Variants in ZNF765 observed in about 807,000 individuals in gnomAD.
ZNF765 encodes the protein zinc finger protein 765.
Under a neutral mutation model 44.7 loss-of-function variants are expected in ZNF765, and 37 were observed. The observed-to-expected ratio is 0.83, with a 90% CI of 0.64 to 1.09. The LOEUF (loss-of-function observed/expected upper bound fraction) is 1.09, where lower values mean the gene tolerates loss of function less well. ZNF765 is among the 50% of genes least tolerant of loss of function. The pLI is 0.00. For synonymous variants in ZNF765, 201 were observed against 213.7 expected, an observed-to-expected ratio of 0.94 and a Z score of 0.52; for missense variants, 594 against 626.1, an observed-to-expected ratio of 0.95 and a Z score of 0.55.
intron 3 of ZNF765, among the ~76,000 whole-genome samples, chr19:53,417,627 C>T (rs1007038307): frequency 1.3e-5 from 2 of 152,110 alleles, no homozygotes; most frequent in Non-Finnish European, 2.9e-5. Context: ...ATTTATATTC[C>T]TTTAGGCATA....
In ZNF765 at chr19:53,409,613, A is replaced by G; in HGVS notation, c.*486A>G. On this transcript the variant is annotated 3_prime_UTR_variant, in exon 4 of 4. Coordinates refer to ENST00000396408, the MANE Select transcript of ZNF765 (RefSeq NM_001040185.3). ...GGAGAATTCATACTGGAGAGAAACC[A>G]TACAAGTGTAATGAGTGTGGCAAGA... 1.3e-5 allele frequency: 18 copies of G among 1,434,894 alleles called. No homozygotes were observed. Among genetic ancestry groups the G allele is most frequent in the Non-Finnish European group, 1.7e-5 (17 of 1,026,238 alleles). 88.9% of individuals were successfully genotyped at this position (1,434,894 alleles called of 1,614,324 possible).
chr19:53,414,480 CACACA>C (rs2085860920), downstream of ZNF765, among the ~76,000 whole-genome samples: 3 of 8,668 alleles, frequency 3.5e-4, no homozygotes, highest in East Asian at 3.4e-3. Flanking sequence ...CACACACACA[CACACA>C]CACACCCCCC....
chr19:53,408,115 A>G lies in ZNF765; in HGVS notation c.560A>G (p.His187Arg), dbSNP rs765871893. 1.9e-6 allele frequency: 3 copies of G among 1,614,008 alleles called. No individual in the cohort carries two copies. The highest frequency in any genetic ancestry group is 1.7e-5 in the Admixed American group (1 of 60,000). ...AQRISCRPET[H>R]ISNDYGNNFL... is the part of the protein sequence containing the mutation. The stretch of plus-strand genomic sequence containing the variant: ...AGAATTTCTTGTAGGCCTGAAACCC[A>G]TATTTCTAATGACTATGGGAATAAT... Residue 187 changes from histidine (H) to arginine (R), a missense_variant, in exon 4 of 4, where the codon CAT becomes CGT. By Grantham distance (29) the His-to-Arg change is conservative (BLOSUM62 0). Coordinates refer to ENST00000396408, the MANE Select transcript of ZNF765 (RefSeq NM_001040185.3).
At chr19:53,401,643 T>G (rs1266130351) in intron 2 of ZNF765, among the ~76,000 whole-genome samples, 4 of 151,960 alleles carry the variant, frequency 2.6e-5, no homozygotes, top group Non-Finnish European at 5.9e-5. Context: ...TTTGAGAGGC[T>G]GAGTCAGGCA....
intron 3 of ZNF765, 57 bp from the exon 4 acceptor site, chr19:53,407,641 C>T: frequency 7.7e-7 from 1 of 1,301,956 alleles, no homozygotes; most frequent in Admixed American, 2.6e-5. Context: ...TTACACATTT[C>T]AGCATTATTT....
intron 2 of ZNF765, among the ~76,000 whole-genome samples, chr19:53,400,181 T>C (rs1267920149): frequency 6.6e-6 from 1 of 152,208 alleles, no homozygotes; most frequent in African/African-American, 2.4e-5. Flanking sequence ...CCAGTGTCTG[T>C]TGTTTTCTTT....
rs571671577 is a variant in ZNF765, at chr19:53,410,510, T to A, written c.*1383T>A. Reference sequence around the variant, plus strand: ...TCACATTGGAGAGAAAGCTTACAAGTATAATGAATGTGACAGGTCTTTAGT... The same window carrying A: ...TCACATTGGAGAGAAAGCTTACAAGAATAATGAATGTGACAGGTCTTTAGT... On this transcript the variant is annotated 3_prime_UTR_variant, in exon 4 of 4. Coordinates refer to ENST00000396408, the MANE Select transcript of ZNF765 (RefSeq NM_001040185.3). 1 of 399,328 alleles carries A rather than the reference T, an allele frequency of 2.5e-6. No homozygotes were observed. Among genetic ancestry groups the A allele is most frequent in the African/African-American group, 2.1e-5 (1 of 47,872 alleles). The allele number at this position is 399,328 out of a possible 1,614,324, so 24.7% of individuals were successfully genotyped here.
chr19:53,399,796 G>A (rs1181102279), intron 2 of ZNF765, among the ~76,000 whole-genome samples: 3 of 151,932 alleles, frequency 2.0e-5, no homozygotes, highest in Admixed American at 6.6e-5. Flanking sequence ...GTTAAGTCCC[G>A]TACCCAATAG....
At position 53,407,925 on chromosome 19, in the gene ZNF765, G is replaced by C. The variant is rs1289080417; in HGVS notation, c.370G>C (p.Glu124Gln). Residue 124 changes from glutamate to glutamine, a missense_variant, in exon 4 of 4, where the codon GAG (glutamate) becomes CAG (glutamine). Transcript: ENST00000396408. ...AATCAAAAAGTTGACAGGTAGTACA[G>C]AGCGATATGATCAAAATTATGCTGG... ...TKIKKLTGST[E>Q]RYDQNYAGNK... The C allele has an allele frequency of 6.2e-7, 1 of 1,614,170 alleles. No homozygotes were observed. The highest frequency in any genetic ancestry group is 8.5e-7 in the Non-Finnish European group (1 of 1,180,034).
At chr19:53,402,945 G>A (rs1447796171) in intron 3 of ZNF765, among the ~76,000 whole-genome samples, 1 of 152,086 alleles carries the variant, frequency 6.6e-6, no homozygotes, top group Admixed American at 6.5e-5. Context: ...GGGAGGCTGA[G>A]GTGGGTGGAT....
At chr19:53,417,285 C>T (rs2085880816) in intron 3 of ZNF765, among the ~76,000 whole-genome samples, 1 of 152,166 alleles carries the variant, frequency 6.6e-6, no homozygotes. Context: ...TTCTCCCACC[C>T]TATGCCCTCC....
chr19:53,413,540 A>T (rs143686963), downstream of ZNF765, among the ~76,000 whole-genome samples: 2,157 of 144,698 alleles, frequency 0.015, 9 homozygotes, highest in African/African-American at 0.019. Flanking sequence ...CTTTTCATTT[A>T]AAAAAAAAGT....
chr19:53,395,701 A>G (rs2085661015), intron 1 of ZNF765, among the ~76,000 whole-genome samples: 1 of 152,082 alleles, frequency 6.6e-6, no homozygotes, highest in Non-Finnish European at 1.5e-5. Flanking sequence ...CTCCACAGTC[A>G]CTGCTTTCCC....
In ZNF765 at chr19:53,407,970, C is replaced by T. The variant is rs2085792010; in HGVS notation, c.415C>T (p.Gln139Ter). Residue 139 changes from glutamine to a stop codon, truncating the protein, a stop_gained, in exon 4 of 4, where the codon CAG becomes TAG. Coordinates refer to ENST00000396408, the MANE Select transcript of ZNF765 (RefSeq NM_001040185.3). LOFTEE classifies it high-confidence loss of function. Reference sequence around the variant, plus strand: ...TGCTGGAAACAAGCCTGTTAAATATCAGCTTGGATTCAGCTTTCATTCGCA... The same window carrying T: ...TGCTGGAAACAAGCCTGTTAAATATTAGCTTGGATTCAGCTTTCATTCGCA... Reference protein sequence around the residue: ...NYAGNKPVKYQLGFSFHSHLP... With the variant: ...NYAGNKPVKY 1.2e-6 allele frequency: 2 copies of T among 1,614,172 alleles called. No homozygotes were observed. The highest frequency in any genetic ancestry group is 1.7e-6 in the Non-Finnish European group (2 of 1,180,040).
At chr19:53,412,615 C>A (rs1213369769), downstream of ZNF765, among the ~76,000 whole-genome samples, 1 of 152,108 alleles carries the variant, frequency 6.6e-6, no homozygotes, top group Non-Finnish European at 1.5e-5. Context: ...AAAATAAATT[C>A]TGCTAAAATT....
Position 53,406,027 on chromosome 19 carries a change from ATTTTTT to A in ZNF765, c.143-1657_143-1652del, listed in dbSNP as rs201892505. Among the ~76,000 whole-genome samples the A allele has an allele frequency of 1.3e-3, 164 of 125,266 alleles. 2 individuals carry two copies. Among genetic ancestry groups the A allele is most frequent in the South Asian group, 3.1e-3 (12 of 3,848 alleles). 82.2% of individuals were successfully genotyped at this position (125,266 alleles called of 152,430 possible). ...TTGCACCCTCTGACACCGTTAGTCA[ATTTTTT>A]TTTTTTTTTTTTTGGAGATGAAATC... On this transcript the variant is annotated intron_variant, in intron 3 of 3. Coordinates refer to ENST00000396408, the MANE Select transcript of ZNF765 (RefSeq NM_001040185.3).
intron 2 of ZNF765, among the ~76,000 whole-genome samples, chr19:53,400,170 G>T (rs1475206286): frequency 6.6e-6 from 1 of 151,996 alleles, no homozygotes; most frequent in Non-Finnish European, 1.5e-5. Flanking sequence ...TCAAGTAGAC[G>T]CCAGTGTCTG....
chr19:53,414,786 A>C (rs1408857226), downstream of ZNF765, among the ~76,000 whole-genome samples: 2 of 149,376 alleles, frequency 1.3e-5, no homozygotes, highest in Non-Finnish European at 3.0e-5. Context: ...AGGACCACAC[A>C]GGTCACCACA....
intron 2 of ZNF765, among the ~76,000 whole-genome samples, chr19:53,399,679 C>CA (rs34934002): frequency 0.013 from 1,763 of 135,526 alleles, 26 homozygotes; most frequent in African/African-American, 0.042. Context: ...GACTCCATCT[C>CA]AAAAAAAAAA....
Sources: allele counts gnomAD v4.1 joint callset (sites outside exome capture counted in the v4.1 genomes callset), GRCh38; gene constraint gnomAD v4.1.1; transcripts MANE v1.5; gene names NCBI Gene and HGNC (gene_info 2026-07-23, HGNC 2026-07-21).